The following STEAP1B variants were observed in gnomAD, a reference collection of about 807,000 sequenced individuals.
STEAP1B encodes the protein STEAP family protein MGC87042.
In STEAP1B, 13 loss-of-function variants were observed where a neutral mutation model predicts 27.9. That is an observed-to-expected ratio of 0.47 (90% CI 0.30 to 0.74). The LOEUF is 0.74. Ranked by LOEUF, STEAP1B falls within the 30% of genes least tolerant of loss-of-function variation. The pLI is 0.06. For synonymous variants in STEAP1B, 86 were observed against 107.1 expected (o/e 0.80, Z 1.22); for missense variants, 250 against 298.7 (o/e 0.84, Z 1.20).
intron 4 of STEAP1B, among the ~76,000 whole-genome samples, chr7:22,420,318 T>A (rs1187594513): frequency 6.6e-6 from 1 of 152,176 alleles, no homozygotes; most frequent in Non-Finnish European, 1.5e-5. Context: ...CCAGATGGTG[T>A]CCTCCAGCCT....
chr7:22,479,843 G>T (rs10278029), intron 4 of STEAP1B, among the ~76,000 whole-genome samples: 4 of 151,638 alleles, frequency 2.6e-5, no homozygotes, highest in African/African-American at 7.3e-5. Flanking sequence ...CACCGGCGAC[G>T]CCCAGCCGAT....
chr7:22,471,749 A>G (rs1785888267), intron 4 of STEAP1B, among the ~76,000 whole-genome samples: 1 of 152,138 alleles, frequency 6.6e-6, no homozygotes, highest in African/African-American at 2.4e-5. Flanking sequence ...AAAATATTTT[A>G]AAAGTTAGCC....
rs1051392738 is a variant in STEAP1B at position 22,492,804 on chromosome 7, C to A, written c.598-75G>T. 9 of 1,522,374 alleles carry A rather than the reference C, an allele frequency of 5.9e-6. No homozygotes were observed. The African/African-American group carries it at 9.8e-5, about 17-fold the overall frequency. The allele number at this position is 1,522,374 out of a possible 1,614,324, so 94.3% of individuals were successfully genotyped here. A position where few individuals can be genotyped will look rare whatever the true frequency, so the allele number is the denominator to read the frequency against. ...CTGAATGTGAATCTCCTTCTACACT[C>A]TTCCCTGTGTGTACTATGAAGCCCT... On this transcript the variant is annotated intron_variant, in intron 3 of 4. Coordinates refer to ENST00000678116, the MANE Select transcript of STEAP1B (RefSeq NM_001382447.1).
intron 4 of STEAP1B, among the ~76,000 whole-genome samples, chr7:22,473,711 T>C (rs891183965): frequency 6.6e-6 from 1 of 152,162 alleles, no homozygotes; most frequent in African/African-American, 2.4e-5. Context: ...TTTTGCTCCA[T>C]AGATGATTGT....
At chr7:22,461,924 AGT>A (rs1325297907) in intron 4 of STEAP1B, among the ~76,000 whole-genome samples, 5 of 152,348 alleles carry the variant, frequency 3.3e-5, no homozygotes, top group African/African-American at 1.2e-4. Context: ...GTTAGGATTA[AGT>A]GAGATCATCT....
At chr7:22,432,977 C>G (rs1463184524) in intron 4 of STEAP1B, among the ~76,000 whole-genome samples, 1 of 152,168 alleles carries the variant, frequency 6.6e-6, no homozygotes, top group East Asian at 1.9e-4. Context: ...TAGAAAAATA[C>G]TCAGCCCTTC....
chr7:22,449,992 A>AT (rs1253755428), intron 4 of STEAP1B, among the ~76,000 whole-genome samples: 2 of 152,072 alleles, frequency 1.3e-5, no homozygotes, highest in South Asian at 2.1e-4. Context: ...ATTGGATTAG[A>AT]TTTTTTTCCT....
At chr7:22,467,804 T>A (rs1583645741) in intron 4 of STEAP1B, among the ~76,000 whole-genome samples, 2 of 152,312 alleles carry the variant, frequency 1.3e-5, no homozygotes, top group South Asian at 2.1e-4. Context: ...TGTGTCTTTA[T>A]CAGCATTGTG....
chr7:22,457,786 T>C (rs1460403968), intron 4 of STEAP1B, among the ~76,000 whole-genome samples: 4 of 152,216 alleles, frequency 2.6e-5, no homozygotes, highest in African/African-American at 9.6e-5. Context: ...GAAGTTCAGA[T>C]AGAAAGTGCA....
chr7:22,466,465 G>C (rs571106529), intron 4 of STEAP1B, among the ~76,000 whole-genome samples: 1 of 147,386 alleles, frequency 6.8e-6, no homozygotes, highest in East Asian at 2.0e-4. Context: ...GTATGACCAT[G>C]TGATGAGGCA....
At chr7:22,454,189 A>C (rs1022020554) in intron 4 of STEAP1B, among the ~76,000 whole-genome samples, 2 of 152,332 alleles carry the variant, frequency 1.3e-5, no homozygotes, top group Admixed American at 1.3e-4. Flanking sequence ...GAACAGAGAT[A>C]AGGAGCAATT....
intron 4 of STEAP1B, among the ~76,000 whole-genome samples, chr7:22,420,971 C>T (rs1263745356): frequency 6.6e-6 from 1 of 152,204 alleles, no homozygotes; most frequent in Non-Finnish European, 1.5e-5. Context: ...CACATGTGTA[C>T]TTGTAACCAC....
At chr7:22,455,293 G>A (rs1205741457) in intron 4 of STEAP1B, among the ~76,000 whole-genome samples, 1 of 152,190 alleles carries the variant, frequency 6.6e-6, no homozygotes, top group African/African-American at 2.4e-5. Context: ...TACAAATTTA[G>A]CGTTAATGGA....
At chr7:22,431,630 A>C (rs1583628741) in intron 4 of STEAP1B, among the ~76,000 whole-genome samples, 1 of 152,348 alleles carries the variant, frequency 6.6e-6, no homozygotes, top group African/African-American at 2.4e-5. Flanking sequence ...TGCCCTAAGA[A>C]GCTAACTCTT....
At position 22,493,618 on chromosome 7, in the gene STEAP1B, G is replaced by A; in HGVS notation, c.303C>T (p.Ser101=). The A allele has an allele frequency of 6.2e-7, 1 of 1,613,922 alleles. No individual in the cohort carries two copies. Among genetic ancestry groups the A allele is most frequent in the Non-Finnish European group, 8.5e-7 (1 of 1,179,836 alleles). ...GAATTTTATAAAAATATTGTTGATG[G>A]GAAGTTGCTAAAGGGTGAATTACTT... ...LREVIHPLAT[S]HQQYFYKIPI... is the part of the protein sequence containing the mutation. The change falls in exon 3 of 5, where the codon TCC becomes TCT. Residue 101 remains serine, a synonymous_variant. Transcript: ENST00000678116.
chr7:22,437,847 A>T (rs1034128809), intron 4 of STEAP1B, among the ~76,000 whole-genome samples: 1 of 152,176 alleles, frequency 6.6e-6, no homozygotes, highest in African/African-American at 2.4e-5. Flanking sequence ...TAACTCTGAT[A>T]ATTAGTGACG....
At chr7:22,437,147 C>CA (rs548539145) in intron 4 of STEAP1B, among the ~76,000 whole-genome samples, 181 of 152,282 alleles carry the variant, frequency 1.2e-3, no homozygotes, top group Non-Finnish European at 2.2e-3. Context: ...CTTAAATTCA[C>CA]AAGCTAATTT....
At chr7:22,495,008 T>G (rs748956005) in intron 1 of STEAP1B, 122 bp from the exon 2 acceptor site, 11 of 500,488 alleles carry the variant, frequency 2.2e-5, no homozygotes, top group Admixed American at 4.0e-5. Flanking sequence ...CAATAAAAAT[T>G]GAAATAGTGA....
intron 1 of STEAP1B, among the ~76,000 whole-genome samples, chr7:22,499,340 A>G (rs951436305): frequency 1.3e-5 from 2 of 151,646 alleles, no homozygotes; most frequent in Non-Finnish European, 1.5e-5. Context: ...TTTCAAGTGC[A>G]CACTTGTTTT....
Sources: allele counts gnomAD v4.1 joint callset (sites outside exome capture counted in the v4.1 genomes callset), GRCh38; gene constraint gnomAD v4.1.1; transcripts MANE v1.5; gene names NCBI Gene and HGNC (gene_info 2026-07-23, HGNC 2026-07-21).